Variants in CTNNA2 observed in about 807,000 individuals in gnomAD.
CTNNA2 encodes catenin alpha 2, also known as catenin alpha-2.
CTNNA2 carries 42 observed loss-of-function variants against 101.0 expected under a neutral mutation model. That is an observed-to-expected ratio of 0.42 (90% CI 0.32 to 0.54). The LOEUF (loss-of-function observed/expected upper bound fraction) is 0.54. CTNNA2 is among the 20% of genes least tolerant of loss of function. CTNNA2 has a pLI of 0.14. For missense variants in CTNNA2, 871 were observed against 1,223.1 expected, an observed-to-expected ratio of 0.71 and a Z score of 4.29; for synonymous variants, 450 against 456.4, an observed-to-expected ratio of 0.99 and a Z score of 0.18.
chr2:80,122,888 C>A (rs913925885), intron 7 of CTNNA2, among the ~76,000 whole-genome samples: 6 of 152,134 alleles, frequency 3.9e-5, no homozygotes, highest in Admixed American at 1.3e-4. Context: ...CCTGAGCAGA[C>A]TGCAGAGTCA....
intron 18 of CTNNA2, among the ~76,000 whole-genome samples, chr2:80,644,961 T>A (rs1673907979): frequency 6.6e-6 from 1 of 152,268 alleles, no homozygotes; most frequent in South Asian, 2.1e-4. Context: ...ACACCATCTA[T>A]TTGAAAATGG....
At chr2:79,411,758 A>T (rs150560210) in intron 4 of CTNNA2, among the ~76,000 whole-genome samples, 1,538 of 152,278 alleles carry the variant, frequency 0.01, 18 homozygotes, top group South Asian at 0.042. Flanking sequence ...CTAAACATGG[A>T]AAGGAACAAC....
chr2:79,218,166 C>T (rs79662757), intron 2 of CTNNA2, among the ~76,000 whole-genome samples: 2,903 of 152,258 alleles, frequency 0.019, 139 homozygotes, highest in East Asian at 0.15. Flanking sequence ...CAGCCAAGCC[C>T]ACCTCTCCCA....
At chr2:79,296,885 T>C (rs544224092) in intron 2 of CTNNA2, among the ~76,000 whole-genome samples, 1 of 152,304 alleles carries the variant, frequency 6.6e-6, no homozygotes, top group South Asian at 2.1e-4. Flanking sequence ...CCTTCTGTTT[T>C]GTCTTCTTAA....
At chr2:80,532,646 G>T (rs894348784) in intron 9 of CTNNA2, among the ~76,000 whole-genome samples, 1 of 152,068 alleles carries the variant, frequency 6.6e-6, no homozygotes, top group African/African-American at 2.4e-5. Flanking sequence ...TATGTATATA[G>T]GGCTTGGTAC....
At chr2:80,557,251 T>A (rs1279666585) in intron 12 of CTNNA2, among the ~76,000 whole-genome samples, 1 of 152,234 alleles carries the variant, frequency 6.6e-6, no homozygotes, top group Admixed American at 6.5e-5. Context: ...GAGTCAGCAC[T>A]GCTTTCTTTC....
chr2:79,458,067 T>C (rs535811460), intron 4 of CTNNA2, among the ~76,000 whole-genome samples: 2 of 152,288 alleles, frequency 1.3e-5, no homozygotes, highest in East Asian at 3.9e-4. Context: ...CTACACTTAG[T>C]AGATGTAGTT....
chr2:79,771,585 A>G (rs1015955709), intron 3 of CTNNA2, among the ~76,000 whole-genome samples: 1 of 152,174 alleles, frequency 6.6e-6, no homozygotes, highest in East Asian at 1.9e-4. Context: ...AAATTCTCAT[A>G]AGGATCTGGC....
At chr2:79,483,484 A>C (rs1416009495) in intron 4 of CTNNA2, among the ~76,000 whole-genome samples, 1 of 152,126 alleles carries the variant, frequency 6.6e-6, no homozygotes, top group African/African-American at 2.4e-5. Context: ...AAGGGACAGG[A>C]TCTGATTTTG....
At chr2:79,463,727 T>C (rs1670903179) in intron 4 of CTNNA2, among the ~76,000 whole-genome samples, 1 of 152,184 alleles carries the variant, frequency 6.6e-6, no homozygotes, top group Non-Finnish European at 1.5e-5. Flanking sequence ...TCTCAACAGA[T>C]CATTCTGAGA....
At chr2:80,481,422 G>T (rs532339974) in intron 9 of CTNNA2, among the ~76,000 whole-genome samples, 1 of 152,228 alleles carries the variant, frequency 6.6e-6, no homozygotes, top group South Asian at 2.1e-4. Context: ...AGATAATTCA[G>T]TCAGGAACTT....
chr2:79,967,409 C>T (rs546723483), intron 7 of CTNNA2, among the ~76,000 whole-genome samples: 4 of 152,256 alleles, frequency 2.6e-5, no homozygotes, highest in African/African-American at 9.6e-5. Context: ...TCTACAGGCT[C>T]ACTAGCCCAA....
At chr2:80,609,022 C>T (rs1408370724) in intron 17 of CTNNA2, among the ~76,000 whole-genome samples, 1 of 151,738 alleles carries the variant, frequency 6.6e-6, no homozygotes, top group Non-Finnish European at 1.5e-5. Flanking sequence ...TGTTGAGGTT[C>T]TTCACCTTGG....
intron 4 of CTNNA2, among the ~76,000 whole-genome samples, chr2:79,472,194 G>A (rs1288659006): frequency 6.6e-6 from 1 of 152,210 alleles, no homozygotes; most frequent in Non-Finnish European, 1.5e-5. Flanking sequence ...GAAGAAAAGG[G>A]TGATAAATCT....
intron 7 of CTNNA2, among the ~76,000 whole-genome samples, chr2:79,961,124 A>G (rs1443392944): frequency 6.6e-6 from 1 of 152,162 alleles, no homozygotes; most frequent in Non-Finnish European, 1.5e-5. Flanking sequence ...TTGTTTGCAA[A>G]TCTCAGGATG....
At chr2:79,645,322 T>A (rs76894635) in intron 1 of CTNNA2, among the ~76,000 whole-genome samples, 1,748 of 152,234 alleles carry the variant, frequency 0.011, 48 homozygotes, top group African/African-American at 0.039. Context: ...CAACTTTCTC[T>A]ACTGTTTTAT....
chr2:80,117,486 G>GTGTGTGTGTA (rs1217853097), intron 7 of CTNNA2, among the ~76,000 whole-genome samples: 3 of 151,518 alleles, frequency 2.0e-5, no homozygotes, highest in Admixed American at 1.3e-4. Flanking sequence ...GTGTGTGTGT[G>GTGTGTGTGTA]TACAATGTGT....
intron 7 of CTNNA2, among the ~76,000 whole-genome samples, chr2:80,264,825 G>T (rs993475975): frequency 3.3e-5 from 5 of 152,088 alleles, no homozygotes; most frequent in African/African-American, 1.2e-4. Context: ...CTTCTTATGT[G>T]GAGCTCAAGG....
At chr2:79,769,324 A>G (rs535527172) in intron 3 of CTNNA2, among the ~76,000 whole-genome samples, 1 of 152,172 alleles carries the variant, frequency 6.6e-6, no homozygotes, top group Non-Finnish European at 1.5e-5. Context: ...TCACTTAATC[A>G]ATGCATTTTC....
Sources: gnomAD v4.1 joint callset for allele counts (sites outside exome capture counted in the v4.1 genomes callset) on GRCh38, gnomAD v4.1.1 for gene constraint, MANE v1.5 for transcripts, NCBI Gene and HGNC (gene_info 2026-07-23, HGNC 2026-07-21) for gene names.